The following NAPEPLD variants were observed in gnomAD, a reference collection of about 807,000 sequenced individuals.
NAPEPLD encodes the protein N-acyl phosphatidylethanolamine phospholipase D.
NAPEPLD carries 23 observed loss-of-function variants against 38.1 expected under a neutral mutation model. That is an observed-to-expected ratio of 0.60 (90% CI 0.43 to 0.86). The LOEUF (loss-of-function observed/expected upper bound fraction) is 0.86, where lower values mean the gene tolerates loss of function less well. Among genes scored for constraint, NAPEPLD ranks in the 40% least tolerant of loss-of-function variants. NAPEPLD has a pLI of 0.00. For synonymous variants in NAPEPLD, 147 were observed against 162.0 expected, an observed-to-expected ratio of 0.91 and a Z score of 0.71; for missense variants, 411 against 476.8, an observed-to-expected ratio of 0.86 and a Z score of 1.28.
chr7:103,122,435 C>T (rs1301122377), intron 2 of NAPEPLD, among the ~76,000 whole-genome samples: 1 of 151,886 alleles, frequency 6.6e-6, no homozygotes, highest in East Asian at 1.9e-4. Flanking sequence ...TAGACACAGA[C>T]AAAAGAGGGC....
At chr7:103,114,974 T>A (rs1016369139) in intron 4 of NAPEPLD, 86 bp downstream of exon 4, 1 of 960,222 alleles carries the variant, frequency 1.0e-6, no homozygotes, top group East Asian at 2.4e-5. Context: ...TTCCAGAGTC[T>A]TGGGTCTGAA....
intron 2 of NAPEPLD, among the ~76,000 whole-genome samples, chr7:103,120,745 G>T (rs1027969543): frequency 9.2e-6 from 1 of 109,240 alleles, no homozygotes; most frequent in East Asian, 3.2e-4. Flanking sequence ...ACAGGCTCTC[G>T]CTCTGTTACC....
In NAPEPLD at chr7:103,116,747, A is replaced by C. The variant is rs752175624; in HGVS notation, c.942-1573T>G. Among the ~76,000 whole-genome samples, 94 of 152,320 alleles carry C rather than the reference A, an allele frequency of 6.2e-4. 2 individuals carry two copies. The highest frequency in any genetic ancestry group is 1.2e-4 in the Non-Finnish European group (8 of 68,028). The stretch of plus-strand genomic sequence containing the variant: ...AATGCCTTGGGAAGAGCGAGGGCTC[A>C]GGAGGCAGAAGGCTTGGGTGTGAAT... On this transcript the variant is annotated intron_variant, in intron 3 of 4. Coordinates refer to ENST00000465647, the MANE Select transcript of NAPEPLD (RefSeq NM_001122838.3).
chr7:103,136,660 G>C (rs1167684549), intron 1 of NAPEPLD, among the ~76,000 whole-genome samples: 2 of 150,908 alleles, frequency 1.3e-5, no homozygotes. Context: ...ATCCAACTGA[G>C]TTGTTTTTCA....
At chr7:103,116,600 CA>C (rs1805626389) in intron 3 of NAPEPLD, among the ~76,000 whole-genome samples, 1 of 152,068 alleles carries the variant, frequency 6.6e-6, no homozygotes, top group Admixed American at 6.5e-5. Context: ...GACCAGGAGC[CA>C]AATATCCAAT....
At chr7:103,139,125 C>T (rs1027676365) in intron 1 of NAPEPLD, among the ~76,000 whole-genome samples, 1 of 152,136 alleles carries the variant, frequency 6.6e-6, no homozygotes, top group Non-Finnish European at 1.5e-5. Flanking sequence ...TTATTAAGAG[C>T]CAGGACATAT....
intron 1 of NAPEPLD, among the ~76,000 whole-genome samples, chr7:103,143,248 A>C (rs1811853764): frequency 6.6e-6 from 1 of 152,116 alleles, no homozygotes; most frequent in Admixed American, 6.5e-5. Context: ...ATAAACATAA[A>C]TAAATAAAAA....
At chr7:103,138,986 C>T (rs1347332038) in intron 1 of NAPEPLD, among the ~76,000 whole-genome samples, 4 of 152,126 alleles carry the variant, frequency 2.6e-5, no homozygotes. Flanking sequence ...ATAAAATTCC[C>T]AGCTCAGGTC....
intron 3 of NAPEPLD, among the ~76,000 whole-genome samples, chr7:103,118,087 G>A (rs956781975): frequency 1.3e-5 from 2 of 152,320 alleles, no homozygotes; most frequent in East Asian, 1.9e-4. Flanking sequence ...TACTTGGGAG[G>A]TTGAGGCAGG....
Position 103,115,154 on chromosome 7 carries a change from T to G in NAPEPLD, c.962A>C (p.His321Pro). 1.2e-6 allele frequency: 2 copies of G among 1,613,552 alleles called. No individual in the cohort carries two copies. The highest frequency in any genetic ancestry group is 1.7e-6 in the Non-Finnish European group (2 of 1,179,770). ...YEPRWFMKYQ[H>P]VDPEEAVRIH... ...CCTTACAGCTTCTTCTGGGTCTACA[T>G]GCTGGTATTTCATAAACCACCTGAA... The change falls in exon 4 of 5, where the codon CAT (histidine) becomes CCT (proline). Residue 321 changes from histidine (H) to proline (P), a missense_variant. Coordinates refer to ENST00000465647, the MANE Select transcript of NAPEPLD (RefSeq NM_001122838.3).
chr7:103,119,726 C>T lies in NAPEPLD; in HGVS notation c.792G>A (p.Lys264=). ...AGACAGACCAGCTGCCCCATAGCACCTTGTTGTCATCCATTAGAGTCCTTT... is the reference window on the plus strand; with the variant it reads ...AGACAGACCAGCTGCCCCATAGCACTTTGTTGTCATCCATTAGAGTCCTTT... ...WCKRTLMDDN[K]VLWGSWSVLG... Residue 264 remains lysine, a synonymous_variant, in exon 3 of 5, where the codon AAG becomes AAA. Coordinates refer to ENST00000465647, the MANE Select transcript of NAPEPLD (RefSeq NM_001122838.3). 1 of 1,614,176 alleles carries T rather than the reference C, an allele frequency of 6.2e-7. No individual in the cohort carries two copies. Among genetic ancestry groups the T allele is most frequent in the Non-Finnish European group, 8.5e-7 (1 of 1,180,022 alleles).
rs1345289931 is a variant in NAPEPLD, at chr7:103,148,812, T to A, written c.-18A>T. ...ACAACCAAAAGAAGATAAACCCACA[T>A]GTATTCCTATCAGTGAAGATGCAAC... is the stretch of plus-strand genomic sequence containing the variant. On this transcript the variant is annotated splice_region_variant and 5_prime_UTR_variant, in exon 1 of 5. Transcript: ENST00000465647. The A allele has an allele frequency of 4.1e-6, 4 of 985,110 alleles. No individual in the cohort carries two copies. Among genetic ancestry groups the A allele is most frequent in the Admixed American group, 6.2e-5 (1 of 16,260 alleles). 61.0% of individuals were successfully genotyped at this position (985,110 alleles called of 1,614,324 possible).
At chr7:103,129,082 A>G (rs1298479596) in intron 1 of NAPEPLD, among the ~76,000 whole-genome samples, 1 of 152,130 alleles carries the variant, frequency 6.6e-6, no homozygotes, top group Non-Finnish European at 1.5e-5. Context: ...CCTGACCAAC[A>G]TGGAGAAAGC....
chr7:103,103,946 GGT>G (rs55770228), intron 4 of NAPEPLD, among the ~76,000 whole-genome samples: 9 of 151,402 alleles, frequency 5.9e-5, no homozygotes, highest in South Asian at 2.1e-4. Context: ...ATCAAATTGT[GGT>G]GTGTGTGTGT....
chr7:103,120,030 T>G lies in NAPEPLD; in HGVS notation c.488A>C (p.Lys163Thr). 1 of 1,614,184 alleles carries G rather than the reference T, an allele frequency of 6.2e-7. No homozygotes were observed. The highest frequency in any genetic ancestry group is 8.5e-7 in the Non-Finnish European group (1 of 1,180,034). Residue 163 changes from lysine to threonine, a missense_variant, in exon 3 of 5, where the codon AAG becomes ACG. Lys to Thr is a moderately conservative substitution (Grantham distance 78, BLOSUM62 -1). Coordinates refer to ENST00000465647, the MANE Select transcript of NAPEPLD (RefSeq NM_001122838.3). ...TGTGCACGGGGAACGACGAAATCGCTTTGGACCCATGTACTGCGATGGTGA... is the reference window on the plus strand; with the variant it reads ...TGTGCACGGGGAACGACGAAATCGCGTTGGACCCATGTACTGCGATGGTGA... ...RASPSQYMGP[K>T]RFRRSPCTIS... is the part of the protein sequence containing the mutation.
At chr7:103,114,334 T>A (rs1805159717) in intron 4 of NAPEPLD, among the ~76,000 whole-genome samples, 1 of 152,068 alleles carries the variant, frequency 6.6e-6, no homozygotes, top group Admixed American at 6.6e-5. Flanking sequence ...TAAGGAAAAA[T>A]TATCTCTTCT....
chr7:103,141,238 T>C, intron 1 of NAPEPLD: 1 of 55,636 alleles, frequency 1.8e-5, no homozygotes, highest in South Asian at 9.6e-4. Flanking sequence ...ACCTGTGGAG[T>C]TGTTTTTTTT....
At chr7:103,128,819 T>C (rs201086706) in intron 1 of NAPEPLD, 27 bp from the exon 2 acceptor site, 1 of 1,579,888 alleles carries the variant, frequency 6.3e-7, no homozygotes, top group East Asian at 2.2e-5. Flanking sequence ...GGAAAAATAC[T>C]GAGTTGAACA....
At chr7:103,137,815 CAAAAAAA>C (rs79429621) in intron 1 of NAPEPLD, among the ~76,000 whole-genome samples, 15 of 107,516 alleles carry the variant, frequency 1.4e-4, no homozygotes, top group East Asian at 7.5e-4. Flanking sequence ...GATGCTGTCT[CAAAAAAA>C]AAAAAAAAAA....
Sources: allele counts gnomAD v4.1 joint callset (sites outside exome capture counted in the v4.1 genomes callset), GRCh38; gene constraint gnomAD v4.1.1; transcripts MANE v1.5; gene names NCBI Gene and HGNC (gene_info 2026-07-23, HGNC 2026-07-21).